HABP2: variants seen among roughly 807,000 people sequenced by gnomAD.
HABP2 encodes hyaluronan binding protein 2, also known as factor VII-activating protease.
Under a neutral mutation model 66.5 loss-of-function variants are expected in HABP2, and 65 were observed. That is an observed-to-expected ratio of 0.98 (90% confidence interval 0.80 to 1.20). HABP2 has a LOEUF of 1.20. Among genes scored for constraint, HABP2 ranks in the 50% most tolerant of loss-of-function variants. The probability of loss-of-function intolerance (pLI) is 0.00; values close to 1 mark genes in which losing one functional copy is unlikely to be tolerated. For missense variants in HABP2, 786 were observed against 691.0 expected, an observed-to-expected ratio of 1.14 and a Z score of -1.54; for synonymous variants, 263 against 253.9, an observed-to-expected ratio of 1.04 and a Z score of -0.34.
chr10:113,566,847 A>G lies in HABP2; in HGVS notation c.70-642A>G, dbSNP rs553222362. Among the ~76,000 whole-genome samples, 8 of 152,274 alleles carry G rather than the reference A, an allele frequency of 5.3e-5. No homozygotes were observed. The South Asian group carries it at 1.7e-3, about 32-fold the overall frequency. On this transcript the variant is annotated intron_variant, in intron 1 of 12. Coordinates refer to ENST00000351270, the MANE Select transcript of HABP2 (RefSeq NM_004132.5). ...ATTTATCTTGCGCCATTTTGAAGCC[A>G]GGTGTGGCTGAAGCTTAGTAAAGGG...
chr10:113,557,095 C>T (rs1233076803), intron 1 of HABP2, among the ~76,000 whole-genome samples: 2 of 152,102 alleles, frequency 1.3e-5, no homozygotes, highest in African/African-American at 2.4e-5. Flanking sequence ...GCTCAGCATC[C>T]GATTAATTCA....
intron 6 of HABP2, 57 bp from the exon 7 acceptor site, chr10:113,578,570 T>C: frequency 1.6e-6 from 2 of 1,268,006 alleles, no homozygotes; most frequent in South Asian, 1.3e-5. Flanking sequence ...CAAGCCCTTT[T>C]TGGGAGTGGC....
intron 1 of HABP2, among the ~76,000 whole-genome samples, chr10:113,564,761 C>T (rs548630685): frequency 6.6e-6 from 1 of 152,158 alleles, no homozygotes; most frequent in Admixed American, 6.5e-5. Context: ...CTCTCATTCT[C>T]CTGTGTGTAT....
intron 1 of HABP2, among the ~76,000 whole-genome samples, chr10:113,555,261 A>G (rs866144870): frequency 2.6e-5 from 4 of 152,216 alleles, no homozygotes; most frequent in Non-Finnish European, 5.9e-5. Context: ...GGCCTGTCCC[A>G]AGTCATACAG....
chr10:113,573,427 A>T (rs765228295), intron 2 of HABP2, among the ~76,000 whole-genome samples: 1 of 152,216 alleles, frequency 6.6e-6, no homozygotes, highest in Non-Finnish European at 1.5e-5. Flanking sequence ...GGATGGTGGG[A>T]CACATTTTCC....
At chr10:113,565,885 A>G (rs550205394) in intron 1 of HABP2, among the ~76,000 whole-genome samples, 1 of 152,292 alleles carries the variant, frequency 6.6e-6, no homozygotes, top group African/African-American at 2.4e-5. Context: ...GAATCTCACA[A>G]TTTGGATCTG....
chr10:113,583,031 A>G (rs1165359709), intron 9 of HABP2, among the ~76,000 whole-genome samples, 185 bp from the exon 10 acceptor site: 3 of 152,182 alleles, frequency 2.0e-5, no homozygotes, highest in Non-Finnish European at 4.4e-5. Context: ...TTATATTTGG[A>G]GCTTGCTTCT....
chr10:113,567,435 C>T (rs148681487), intron 1 of HABP2, 54 bp from the exon 2 acceptor site: 11 of 1,422,184 alleles, frequency 7.7e-6, no homozygotes, highest in Admixed American at 1.7e-5. Flanking sequence ...CTAAGGAGCA[C>T]GCCCGGCAGA....
intron 1 of HABP2, among the ~76,000 whole-genome samples, chr10:113,559,505 A>C (rs1265615619): frequency 6.6e-6 from 1 of 152,232 alleles, no homozygotes; most frequent in South Asian, 2.1e-4. Context: ...CTCAGCCAGA[A>C]GCTTCACACC....
chr10:113,584,066 AC>A, intron 10 of HABP2, 81 bp from the exon 11 acceptor site: 1 of 1,262,728 alleles, frequency 7.9e-7, no homozygotes, highest in East Asian at 2.4e-5. Flanking sequence ...TGCTGTGGCC[AC>A]CTTCATGAGC....
chr10:113,567,027 G>A (rs10749134), intron 1 of HABP2, among the ~76,000 whole-genome samples: 41,149 of 152,110 alleles, frequency 0.27, 6,064 homozygotes, highest in Admixed American at 0.45. Context: ...CTAGATTTCA[G>A]CATGAATTCC....
At chr10:113,577,115 C>T in intron 4 of HABP2, 35 bp from the exon 5 acceptor site, 2 of 1,171,386 alleles carry the variant, frequency 1.7e-6, no homozygotes, top group South Asian at 1.2e-5. Flanking sequence ...GAAAATGTGC[C>T]CCAAATAATG....
In HABP2 at chr10:113,572,204, A is replaced by G. The variant is rs370201307; in HGVS notation, c.107-2085A>G. Reference sequence around the variant, plus strand: ...TTAGCAGCAATATGATTCAAAGCCTATGTATTTTATTTCTTCTTTGGCTTC... The same window carrying G: ...TTAGCAGCAATATGATTCAAAGCCTGTGTATTTTATTTCTTCTTTGGCTTC... On this transcript the variant is annotated intron_variant, in intron 2 of 12. Coordinates refer to ENST00000351270, the MANE Select transcript of HABP2 (RefSeq NM_004132.5). 2.4e-4 allele frequency among the ~76,000 whole-genome samples: 36 copies of G among 152,324 alleles called. 3 individuals are homozygous for G. In the South Asian group the frequency reaches 7.5e-3, roughly 32 times the overall value.
intron 1 of HABP2, among the ~76,000 whole-genome samples, chr10:113,562,918 A>G (rs923960821): frequency 5.9e-5 from 9 of 152,332 alleles, no homozygotes; most frequent in African/African-American, 1.9e-4. Flanking sequence ...GACTAAGAGC[A>G]AGGACTCTGA....
Position 113,588,441 on chromosome 10 carries a change from T to C in HABP2, c.*72T>C, listed in dbSNP as rs1450944577. The C allele has an allele frequency of 4.1e-6, 5 of 1,206,226 alleles. No homozygotes were observed. The Admixed American group carries it at 8.2e-5, about 20-fold the overall frequency. 74.7% of individuals were successfully genotyped at this position (1,206,226 alleles called of 1,614,324 possible). ...CACCGGGAGGCCTCATGGCCAACAA[T>C]GGACACCTCCAGAGCCTCCAGGGGA... On this transcript the variant is annotated 3_prime_UTR_variant, in exon 13 of 13. Coordinates refer to ENST00000351270, the MANE Select transcript of HABP2 (RefSeq NM_004132.5).
intron 3 of HABP2, among the ~76,000 whole-genome samples, chr10:113,575,447 G>A (rs774453684): frequency 3.3e-5 from 5 of 152,128 alleles, no homozygotes; most frequent in Admixed American, 6.5e-5. Context: ...GAAAGCTTGC[G>A]TTTCATTAGG....
At chr10:113,580,234 G>T (rs1409892934) in intron 7 of HABP2, among the ~76,000 whole-genome samples, 1 of 152,130 alleles carries the variant, frequency 6.6e-6, no homozygotes, top group Non-Finnish European at 1.5e-5. Flanking sequence ...CAAAGCCTCA[G>T]GCAGAGGAAC....
At chr10:113,572,909 A>G (rs1361821852) in intron 2 of HABP2, among the ~76,000 whole-genome samples, 3 of 152,258 alleles carry the variant, frequency 2.0e-5, no homozygotes, top group Non-Finnish European at 4.4e-5. Flanking sequence ...TGGGAAATAT[A>G]AAACAGCCAT....
In HABP2 at chr10:113,570,808, G is replaced by A. The variant is rs75650108; in HGVS notation, c.106+3283G>A. Reference sequence around the variant, plus strand: ...TAGCCACTAAGGGAAAAATAAATCCGTCAATCACATACATTAACTACAGGT... The same window carrying A: ...TAGCCACTAAGGGAAAAATAAATCCATCAATCACATACATTAACTACAGGT... On this transcript the variant is annotated intron_variant, in intron 2 of 12. Transcript: ENST00000351270. 3.8e-3 allele frequency among the ~76,000 whole-genome samples: 576 copies of A among 152,300 alleles called. 4 individuals carry two copies. The highest frequency in any genetic ancestry group is 0.013 in the African/African-American group (552 of 41,560).
Sources: gnomAD v4.1 joint callset for allele counts (sites outside exome capture counted in the v4.1 genomes callset) on GRCh38, gnomAD v4.1.1 for gene constraint, MANE v1.5 for transcripts, NCBI Gene and HGNC (gene_info 2026-07-23, HGNC 2026-07-21) for gene names.